DNAH17: variants seen among roughly 807,000 people sequenced by gnomAD.
DNAH17 encodes dynein axonemal heavy chain 17.
A neutral mutation model predicts 485.6 loss-of-function variants in DNAH17; 376 were observed. The observed-to-expected ratio is 0.77, with a 90% CI of 0.71 to 0.84. DNAH17 has a LOEUF of 0.84. DNAH17 is among the 40% of genes least tolerant of loss of function. The pLI, the probability that DNAH17 is intolerant of heterozygous loss-of-function variation, is 0.00. For synonymous variants in DNAH17, 3,031 were observed against 2,405.9 expected (o/e 1.26, Z -7.60); for missense variants, 6,370 against 5,839.3 (o/e 1.09, Z -2.96).
intron 14 of DNAH17, among the ~76,000 whole-genome samples, chr17:78,553,283 GTTTTTTTTTTTTTTTT>G (rs60587420): frequency 3.3e-4 from 17 of 51,034 alleles, no homozygotes; most frequent in South Asian, 2.7e-3. Context: ...AGGTTTTTGT[GTTTTTTTTTTTTTTTT>G]TTTTTTTTTT....
chr17:78,439,389 C>T (rs549299974), intron 72 of DNAH17, among the ~76,000 whole-genome samples, 172 bp from the exon 73 acceptor site: 3 of 152,130 alleles, frequency 2.0e-5, no homozygotes, highest in East Asian at 1.9e-4. Flanking sequence ...TACAGTGCAC[C>T]GACATTCAGT....
At chr17:78,519,387 T>A (rs2090877465) in intron 25 of DNAH17, among the ~76,000 whole-genome samples, 1 of 151,912 alleles carries the variant, frequency 6.6e-6, no homozygotes, top group African/African-American at 2.4e-5. Flanking sequence ...AGTTTCTACC[T>A]CAATAAACTA....
intron 14 of DNAH17, among the ~76,000 whole-genome samples, chr17:78,553,411 C>G (rs909629018): frequency 1.3e-5 from 2 of 149,144 alleles, no homozygotes; most frequent in African/African-American, 2.5e-5. Flanking sequence ...AAGCAATTCT[C>G]CTGCCTCAGC....
intron 14 of DNAH17, among the ~76,000 whole-genome samples, chr17:78,555,004 C>A (rs1568247399): frequency 6.6e-6 from 1 of 152,186 alleles, no homozygotes; most frequent in Non-Finnish European, 1.5e-5. Context: ...ACCTCGGCCT[C>A]CCAAAGTGCT....
At chr17:78,435,654 G>A (rs1395989143) in intron 74 of DNAH17, among the ~76,000 whole-genome samples, 4 of 152,236 alleles carry the variant, frequency 2.6e-5, no homozygotes, top group African/African-American at 9.6e-5. Context: ...AACTGCCCCT[G>A]TGCTTGGATT....
intron 12 of DNAH17, among the ~76,000 whole-genome samples, chr17:78,561,366 C>T (rs1031904441): frequency 1.3e-5 from 2 of 152,106 alleles, no homozygotes; most frequent in Non-Finnish European, 2.9e-5. Context: ...CTGCGTCCAC[C>T]GTGAAGCCTC....
At position 78,566,724 on chromosome 17, in the gene DNAH17, C is replaced by T. The variant is rs1459157223; in HGVS notation, c.1459G>A (p.Asp487Asn). Residue 487 changes from aspartate (D) to asparagine (N), a missense_variant, in exon 11 of 81, where the codon GAC (aspartate) becomes AAC (asparagine). Physicochemically the swap from Asp to Asn is conservative, Grantham distance 23. Transcript: ENST00000389840. ...DPLDPGDSNF[D>N]RDYADFEIKI... Reference sequence around the variant, plus strand: ...ATCTCAAAATCAGCATAATCACGGTCAAAATTCTAAAAGCAAATGGAAATG... The same window carrying T: ...ATCTCAAAATCAGCATAATCACGGTTAAAATTCTAAAAGCAAATGGAAATG... 3 of 1,598,980 alleles carry T rather than the reference C, an allele frequency of 1.9e-6. No individual in the cohort carries two copies. The highest frequency in any genetic ancestry group is 4.5e-5 in the East Asian group (2 of 44,516).
chr17:78,571,022 C>T lies in DNAH17; in HGVS notation c.844G>A (p.Ala282Thr). 6.4e-7 allele frequency: 1 copy of T among 1,572,498 alleles called. No individual in the cohort carries two copies. The highest frequency in any genetic ancestry group is 1.2e-5 in the South Asian group (1 of 85,420). Residue 282 changes from alanine (A) to threonine (T), a missense_variant, in exon 6 of 81, where the codon GCC (alanine) becomes ACC (threonine). Ala to Thr is a moderately conservative substitution (Grantham distance 58). Transcript: ENST00000389840. ...YTNVTEGLKE[A>T]NDIVLYLKPL... ...TTCAAATAGAGCACGATGTCGTTGGCTTCCTTCAGCCCTGCACGGAACAAG... is the reference window on the plus strand; with the variant it reads ...TTCAAATAGAGCACGATGTCGTTGGTTTCCTTCAGCCCTGCACGGAACAAG...
In DNAH17 at chr17:78,566,989, G is replaced by A. The variant is rs116978710; in HGVS notation, c.1452+10C>T. 4.5e-3 allele frequency: 7,234 copies of A among 1,605,114 alleles called. 27 individuals carry two copies. The highest frequency in any genetic ancestry group is 5.7e-3 in the Non-Finnish European group (6,679 of 1,174,818). On this transcript the variant is annotated intron_variant, in intron 10 of 80. Coordinates refer to ENST00000389840, the MANE Select transcript of DNAH17 (RefSeq NM_173628.4). ...GAGTCCAGTTCATCCAACCCTGCCC[G>A]AGGACCTACCGAGTCTCCAGGGTCC...
chr17:78,462,910 C>T lies in DNAH17; in HGVS notation c.9108G>A (p.Thr3036=), dbSNP rs575945991. 29 of 1,613,978 alleles carry T rather than the reference C, an allele frequency of 1.8e-5. No individual in the cohort carries two copies. Among genetic ancestry groups the T allele is most frequent in the Middle Eastern group, 1.6e-4 (1 of 6,062 alleles). Reference sequence around the variant, plus strand: ...GCCTCTCGATTTTGGCAACAAGTTCCGTTCTCTTCTTGGCCAGCAGGTTCT... The same window carrying T: ...GCCTCTCGATTTTGGCAACAAGTTCTGTTCTCTTCTTGGCCAGCAGGTTCT... ...LYQNLLAKKR[T]ELVAKIERLE... Residue 3036 remains threonine (T), a synonymous_variant, in exon 57 of 81, where the codon ACG becomes ACA. Coordinates refer to ENST00000389840, the MANE Select transcript of DNAH17 (RefSeq NM_173628.4).
chr17:78,572,093 G>A (rs1483708260), intron 3 of DNAH17, among the ~76,000 whole-genome samples: 1 of 152,186 alleles, frequency 6.6e-6, no homozygotes, highest in Non-Finnish European at 1.5e-5. Flanking sequence ...CTCCCCTGGT[G>A]TCACCACCGG....
chr17:78,443,818 G>A (rs758683390), intron 71 of DNAH17, among the ~76,000 whole-genome samples: 6 of 152,214 alleles, frequency 3.9e-5, no homozygotes, highest in Middle Eastern at 3.2e-3. Context: ...GATTACAGGT[G>A]TGAGCCACTG....
chr17:78,530,869 ACTC>A (rs1202023043), intron 20 of DNAH17, among the ~76,000 whole-genome samples: 2 of 151,502 alleles, frequency 1.3e-5, no homozygotes, highest in African/African-American at 2.4e-5. Flanking sequence ...GGCCTCTGTC[ACTC>A]CTCCTGCTGC....
At position 78,491,582 on chromosome 17, in the gene DNAH17, G is replaced by A. The variant is rs760275428; in HGVS notation, c.6542-12C>T. The A allele has an allele frequency of 1.7e-5, 28 of 1,612,978 alleles. No individual in the cohort carries two copies. The highest frequency in any genetic ancestry group is 3.3e-5 in the Admixed American group (2 of 59,924). ...GGTGGAGAACAGGCCTGGGGGAGGC[G>A]CGTGGTATGACCCCGGGCCCTTCAC... On this transcript the variant is annotated splice_polypyrimidine_tract_variant and intron_variant, in intron 42 of 80. Transcript: ENST00000389840.
At chr17:78,529,903 A>C (rs1283397586) in intron 21 of DNAH17, among the ~76,000 whole-genome samples, 3 of 152,118 alleles carry the variant, frequency 2.0e-5, no homozygotes, top group African/African-American at 7.2e-5. Context: ...TCAGCAACTT[A>C]GCTCAAGCCC....
chr17:78,486,398 C>A lies in DNAH17; in HGVS notation c.6927G>T (p.Gly2309=). The A allele has an allele frequency of 1.2e-6, 2 of 1,613,900 alleles. No homozygotes were observed. The highest frequency in any genetic ancestry group is 1.7e-6 in the Non-Finnish European group (2 of 1,179,892). The part of the protein sequence containing the change: ...LPTCLDKLRF[G]FKKITPVPEI... Reference sequence around the variant, plus strand: ...CCGGCACTGGCGTGATCTTCTTGAACCCAAAGCGCAACTTGTCCAGGCACG... The same window carrying A: ...CCGGCACTGGCGTGATCTTCTTGAAACCAAAGCGCAACTTGTCCAGGCACG... The change falls in exon 45 of 81, where the codon GGG becomes GGT. Residue 2309 remains glycine (G), a synonymous_variant. Coordinates refer to ENST00000389840, the MANE Select transcript of DNAH17 (RefSeq NM_173628.4).
At chr17:78,486,185 A>G (rs1375485636) in intron 45 of DNAH17, 39 bp downstream of exon 45, 1 of 1,595,052 alleles carries the variant, frequency 6.3e-7, no homozygotes, top group East Asian at 2.2e-5. Flanking sequence ...GGATGCTGAG[A>G]GACCCTGTGT....
intron 75 of DNAH17, among the ~76,000 whole-genome samples, chr17:78,432,397 CAGA>C (rs2086707315): frequency 3.9e-3 from 1 of 258 alleles, no homozygotes; most frequent in Non-Finnish European, 0.014. Context: ...CGGCAGACAG[CAGA>C]GGCTGCCTTT....
chr17:78,528,217 T>A (rs2091129825), intron 22 of DNAH17, among the ~76,000 whole-genome samples: 1 of 152,188 alleles, frequency 6.6e-6, no homozygotes. Context: ...CGTGTGTGGC[T>A]TGGAGCACCT....
Sources: gnomAD v4.1 joint callset for allele counts (sites outside exome capture counted in the v4.1 genomes callset) on GRCh38, gnomAD v4.1.1 for gene constraint, MANE v1.5 for transcripts, NCBI Gene and HGNC (gene_info 2026-07-23, HGNC 2026-07-21) for gene names.